The following NOC3L variants were observed in gnomAD, a reference collection of about 807,000 sequenced individuals.
The protein encoded by NOC3L is nucleolar complex protein 3 homolog.
NOC3L carries 85 observed loss-of-function variants against 102.5 expected under a neutral mutation model. The ratio of observed to expected loss-of-function variants is 0.83; its 90% confidence interval spans 0.70 to 0.99. NOC3L has a LOEUF of 0.99. Ranked by LOEUF, NOC3L falls within the 50% of genes least tolerant of loss-of-function variation. The probability of loss-of-function intolerance (pLI) is 0.00; values close to 1 mark genes in which losing one functional copy is unlikely to be tolerated. For synonymous variants in NOC3L, 303 were observed against 309.4 expected, an observed-to-expected ratio of 0.98 and a Z score of 0.22; for missense variants, 878 against 914.9, an observed-to-expected ratio of 0.96 and a Z score of 0.52.
chr10:94,326,198 GTTTA>G, the NOC3L span, among the ~76,000 whole-genome samples: 1 of 152,198 alleles, frequency 6.6e-6, no homozygotes, highest in Non-Finnish European at 1.5e-5. Flanking sequence ...AAGCATTGCT[GTTTA>G]TGTGACAGAG....
chr10:94,352,489 C>T lies in NOC3L; in HGVS notation c.859-86G>A, dbSNP rs985971688. On this transcript the variant is annotated intron_variant, in intron 7 of 20. Transcript: ENST00000371361. ...GTATAAAATATGTGTGTCTAGTATACACCCAGTACTATTTAAAAAAACAAA... is the reference window on the plus strand; with the variant it reads ...GTATAAAATATGTGTGTCTAGTATATACCCAGTACTATTTAAAAAAACAAA... 16 of 835,124 alleles carry T rather than the reference C, an allele frequency of 1.9e-5. No individual in the cohort carries two copies. In the Admixed American group the frequency reaches 3.6e-4, roughly 19 times the overall value. 51.7% of individuals were successfully genotyped at this position (835,124 alleles called of 1,614,324 possible).
chr10:94,341,062 C>T (rs994407208), intron 14 of NOC3L, among the ~76,000 whole-genome samples: 1 of 151,280 alleles, frequency 6.6e-6, no homozygotes, highest in Non-Finnish European at 1.5e-5. Context: ...GTCCCAGCTA[C>T]TCAAAAGGCT....
intron 19 of NOC3L, among the ~76,000 whole-genome samples, chr10:94,336,219 G>A (rs531548493): frequency 9.2e-5 from 14 of 152,282 alleles, no homozygotes; most frequent in African/African-American, 3.4e-4. Context: ...AGGGCATGGG[G>A]TTCCTCCCCT....
the NOC3L span, chr10:94,324,331 T>A: frequency 6.3e-7 from 1 of 1,588,210 alleles, no homozygotes. Context: ...ATTCAGTTGA[T>A]CATAACTTAC....
chr10:94,347,059 C>G (rs147067909), intron 10 of NOC3L, among the ~76,000 whole-genome samples: 13 of 152,258 alleles, frequency 8.5e-5, no homozygotes, highest in Non-Finnish European at 1.0e-4. Context: ...AATTTGGAAA[C>G]TGGTGTTTTG....
intron 8 of NOC3L, among the ~76,000 whole-genome samples, 173 bp downstream of exon 8, chr10:94,352,137 C>T (rs532093180): frequency 1.3e-5 from 2 of 152,136 alleles, no homozygotes; most frequent in East Asian, 3.9e-4. Context: ...TGTAATTTTC[C>T]CATCACATAG....
chr10:94,339,776 CTTGAA>C lies in NOC3L; in HGVS notation c.1920_1924del (p.Asn640LysfsTer23). 1 of 1,613,994 alleles carries C rather than the reference CTTGAA, an allele frequency of 6.2e-7. No individual in the cohort carries two copies. Among genetic ancestry groups the C allele is most frequent in the African/African-American group, 1.3e-5 (1 of 75,036 alleles). On this transcript the variant is annotated frameshift_variant, in exon 17 of 21. Coordinates refer to ENST00000371361, the MANE Select transcript of NOC3L (RefSeq NM_022451.11). LOFTEE classifies it high-confidence loss of function. ...TCTGGTAGTTGCTAAAATGCCAATA[CTTGAA>C]TTTGGAAGAACATGAAGAGCAAGGG...
Position 94,343,257 on chromosome 10 carries a change from T to C in NOC3L, c.1571+1158A>G, listed in dbSNP as rs570576676. On this transcript the variant is annotated intron_variant, in intron 13 of 20. Coordinates refer to ENST00000371361, the MANE Select transcript of NOC3L (RefSeq NM_022451.11). ...AAGGAATTAGTTATTAAAAAACAAA[T>C]AGCTGGGTCGAGCATGGTGGCTCAC... 8.5e-5 allele frequency among the ~76,000 whole-genome samples: 13 copies of C among 152,126 alleles called. No individual in the cohort carries two copies. In the East Asian group the frequency reaches 1.2e-3, roughly 14 times the overall value.
chr10:94,335,722 G>C (rs1177286936), intron 19 of NOC3L, among the ~76,000 whole-genome samples: 1 of 152,174 alleles, frequency 6.6e-6, no homozygotes, highest in African/African-American at 2.4e-5. Flanking sequence ...ATATTTAAAA[G>C]ACAGCAACTA....
At chr10:94,321,799 T>G in the NOC3L span, 1 of 824,174 alleles carries the variant, frequency 1.2e-6, no homozygotes, top group Non-Finnish European at 2.0e-6. Context: ...AGCTAAGAAG[T>G]TTCTACATCA....
chr10:94,334,257 G>C lies in NOC3L; in HGVS notation c.2323C>G (p.Leu775Val), dbSNP rs149432582. The C allele has an allele frequency of 5.0e-5, 80 of 1,610,600 alleles. No homozygotes were observed. Among genetic ancestry groups the C allele is most frequent in the Admixed American group, 2.5e-4 (15 of 59,710 alleles). ...DSFLNEDLNQ[L>V]IKRYSSEVAT... ...ACTTCACTGGAGTATCTTTTGATTA[G>C]CTGATTTAAATCTTCATTCAAAAAT... The change falls in exon 21 of 21, where the codon CTA (leucine) becomes GTA (valine). Residue 775 changes from leucine (L) to valine (V), a missense_variant. By Grantham distance (32) the Leu-to-Val change is conservative. Coordinates refer to ENST00000371361, the MANE Select transcript of NOC3L (RefSeq NM_022451.11).
At position 94,333,523 on chromosome 10, in the gene NOC3L, G is replaced by A. The variant is rs923576395; in HGVS notation, c.*654C>T. 1.3e-5 allele frequency: 2 copies of A among 152,058 alleles called. No individual in the cohort carries two copies. The highest frequency in any genetic ancestry group is 6.6e-5 in the Admixed American group (1 of 15,252). The allele number at this position is 152,058 out of a possible 1,614,324, so 9.4% of individuals were successfully genotyped here. A position where few individuals can be genotyped will look rare whatever the true frequency, so the allele number is the denominator to read the frequency against. ...CACCCTCCAGGGAATGTCAGAAAACGTGAAGAACTTTAGAGACTAGAATCA... is the reference window on the plus strand; with the variant it reads ...CACCCTCCAGGGAATGTCAGAAAACATGAAGAACTTTAGAGACTAGAATCA... On this transcript the variant is annotated 3_prime_UTR_variant, in exon 21 of 21. Coordinates refer to ENST00000371361, the MANE Select transcript of NOC3L (RefSeq NM_022451.11).
intron 19 of NOC3L, among the ~76,000 whole-genome samples, chr10:94,337,429 A>G (rs1324569868): frequency 1.3e-5 from 2 of 151,856 alleles, no homozygotes; most frequent in East Asian, 3.9e-4. Flanking sequence ...TTTTATCTTC[A>G]CATGAAGCAC....
At chr10:94,342,564 AC>A (rs2054297939) in intron 13 of NOC3L, among the ~76,000 whole-genome samples, 3 of 151,156 alleles carry the variant, frequency 2.0e-5, no homozygotes, top group Admixed American at 6.6e-5. Context: ...ACACACACAC[AC>A]ACACACACAC....
the NOC3L span, among the ~76,000 whole-genome samples, chr10:94,317,331 A>G: frequency 2.6e-5 from 4 of 152,142 alleles, no homozygotes; most frequent in Non-Finnish European, 2.9e-5. Flanking sequence ...AACATACCTT[A>G]TAAGATAAAG....
intron 2 of NOC3L, among the ~76,000 whole-genome samples, chr10:94,358,940 G>C (rs1164836694): frequency 1.3e-5 from 2 of 151,646 alleles, no homozygotes; most frequent in African/African-American, 2.4e-5. Context: ...CCCAACAACA[G>C]ATCATTCTAA....
In NOC3L at chr10:94,352,919, T is replaced by C. The variant is rs1432619866; in HGVS notation, c.835A>G (p.Thr279Ala). The C allele has an allele frequency of 3.1e-6, 5 of 1,613,140 alleles. No individual in the cohort carries two copies. In the Admixed American group the frequency reaches 6.7e-5, roughly 22 times the overall value. Reference sequence around the variant, plus strand: ...ACCTTAGTAGATTTTTCTGCTTCTGTGAGGGGCCGGATTTTATATGAAGGA... The same window carrying C: ...ACCTTAGTAGATTTTTCTGCTTCTGCGAGGGGCCGGATTTTATATGAAGGA... ...ITPSYKIRPL[T>A]EAEKSTKTRK... The change falls in exon 7 of 21, where the codon ACA becomes GCA. Residue 279 changes from threonine to alanine, a missense_variant. Coordinates refer to ENST00000371361, the MANE Select transcript of NOC3L (RefSeq NM_022451.11).
At chr10:94,340,086 T>TA (rs990445687) in intron 16 of NOC3L, among the ~76,000 whole-genome samples, 166 bp from the exon 17 acceptor site, 5 of 152,218 alleles carry the variant, frequency 3.3e-5, no homozygotes, top group Admixed American at 2.6e-4. Context: ...GGGCTATACT[T>TA]ACTGCATCTC....
At position 94,338,740 on chromosome 10, in the gene NOC3L, C is replaced by A. The variant is rs1352005197; in HGVS notation, c.1963-4G>T. On this transcript the variant is annotated splice_region_variant and splice_polypyrimidine_tract_variant and intron_variant, in intron 17 of 20. Transcript: ENST00000371361. ...GTAGATCTGTTTTGGGGAAAGTCTGCAAAAATGTCACATAAAAAGAATTGG... is the reference window on the plus strand; with the variant it reads ...GTAGATCTGTTTTGGGGAAAGTCTGAAAAAATGTCACATAAAAAGAATTGG... The A allele has an allele frequency of 1.9e-6, 3 of 1,607,088 alleles. No individual in the cohort carries two copies. In the African/African-American group the frequency reaches 4.0e-5, roughly 22 times the overall value.
Sources: allele counts gnomAD v4.1 joint callset (sites outside exome capture counted in the v4.1 genomes callset), GRCh38; gene constraint gnomAD v4.1.1; transcripts MANE v1.5; gene names NCBI Gene and HGNC (gene_info 2026-07-23, HGNC 2026-07-21).